Variants in OPCML observed in about 807,000 individuals in gnomAD.
The protein encoded by OPCML is opioid-binding protein/cell adhesion molecule.
OPCML carries 13 observed loss-of-function variants against 37.8 expected under a neutral mutation model. That is an observed-to-expected ratio of 0.34 (90% confidence interval 0.22 to 0.55). The LOEUF (loss-of-function observed/expected upper bound fraction) is 0.55, where lower values mean the gene tolerates loss of function less well. Among genes scored for constraint, OPCML ranks in the 20% least tolerant of loss-of-function variants. The probability of loss-of-function intolerance (pLI) is 0.91; values close to 1 mark genes in which losing one functional copy is unlikely to be tolerated. For missense variants in OPCML, 341 were observed against 435.6 expected (o/e 0.78, Z 1.93); for synonymous variants, 176 against 168.8 (o/e 1.04, Z -0.33).
Position 132,836,858 on chromosome 11 carries a change from G to A in OPCML, c.146+106068C>T, listed in dbSNP as rs141576274. On this transcript the variant is annotated intron_variant, in intron 2 of 7. Coordinates refer to ENST00000524381, the MANE Select transcript of OPCML (RefSeq NM_001012393.5). ...GTGTCGGGCAGGGAGAGGTGAAAGC[G>A]CTGGCATCAGAGAAGGCAGATGTAG... is the stretch of plus-strand genomic sequence containing the variant. 8.1e-3 allele frequency among the ~76,000 whole-genome samples: 1,240 copies of A among 152,202 alleles called. 9 individuals are homozygous for A. Among genetic ancestry groups the A allele is most frequent in the Non-Finnish European group, 0.011 (769 of 68,012 alleles).
intron 2 of OPCML, among the ~76,000 whole-genome samples, chr11:132,807,145 A>T (rs1415381468): frequency 6.6e-6 from 1 of 152,216 alleles, no homozygotes; most frequent in East Asian, 1.9e-4. Context: ...AATCCTAGTT[A>T]TATAGACACA....
At chr11:133,457,112 G>A (rs925588036) in intron 1 of OPCML, among the ~76,000 whole-genome samples, 1 of 152,152 alleles carries the variant, frequency 6.6e-6, no homozygotes, top group Non-Finnish European at 1.5e-5. Flanking sequence ...CAGAGCAAAA[G>A]GAAAGTGACG....
intron 3 of OPCML, among the ~76,000 whole-genome samples, chr11:132,608,835 G>A (rs1415590602): frequency 6.6e-6 from 1 of 152,134 alleles, no homozygotes. Flanking sequence ...TTGCTCACCA[G>A]AGAATCTGAT....
Position 132,943,206 on chromosome 11 carries a change from C to T in OPCML, c.62-196G>A. ...GGGAGGAGGGAAGGGGCAGAGTTCGCCAGGAGCAGGGGGAAGGAGAAGAGA... is the reference window on the plus strand; with the variant it reads ...GGGAGGAGGGAAGGGGCAGAGTTCGTCAGGAGCAGGGGGAAGGAGAAGAGA... On this transcript the variant is annotated intron_variant, in intron 1 of 7. Coordinates refer to ENST00000524381, the MANE Select transcript of OPCML (RefSeq NM_001012393.5). This position sits in a 1 kb window ranked among gnomAD's most constrained non-coding sequence, Gnocchi z 4.3. 6.6e-7 allele frequency: 1 copy of T among 1,511,780 alleles called. No homozygotes were observed. The highest frequency in any genetic ancestry group is 9.0e-7 in the Non-Finnish European group (1 of 1,110,114). The allele number at this position is 1,511,780 out of a possible 1,614,324, so 93.6% of individuals were successfully genotyped here.
At chr11:132,645,686 A>T (rs926219762) in intron 3 of OPCML, among the ~76,000 whole-genome samples, 3 of 152,232 alleles carry the variant, frequency 2.0e-5, no homozygotes, top group Admixed American at 1.3e-4. Flanking sequence ...GAATTTTTTT[A>T]AAAAGCCCTA....
intron 4 of OPCML, among the ~76,000 whole-genome samples, chr11:132,514,734 T>G (rs4310627): frequency 0.21 from 31,746 of 151,986 alleles, 3,410 homozygotes; most frequent in Non-Finnish European, 0.23. Context: ...CAAAGTGTGG[T>G]AGGAAGTTTG....
At chr11:133,348,989 T>C (rs1704702108) in intron 1 of OPCML, among the ~76,000 whole-genome samples, 1 of 152,184 alleles carries the variant, frequency 6.6e-6, no homozygotes, top group South Asian at 2.1e-4. Context: ...CTGTGTGTCA[T>C]AGGGGTGCGG....
intron 1 of OPCML, among the ~76,000 whole-genome samples, chr11:133,015,411 G>GGAAGGAAGGAAT (rs1947309275): frequency 1.8e-5 from 2 of 112,176 alleles, no homozygotes; most frequent in Admixed American, 1.0e-4. Flanking sequence ...AAGGAAGGAA[G>GGAAGGAAGGAAT]GAAGGAAGGA....
chr11:132,858,586 T>TC (rs1942162245), intron 2 of OPCML, among the ~76,000 whole-genome samples: 1 of 151,876 alleles, frequency 6.6e-6, no homozygotes, highest in African/African-American at 2.4e-5. Context: ...GCCCCTTTCT[T>TC]CCCGGGGGGT....
intron 4 of OPCML, among the ~76,000 whole-genome samples, chr11:132,528,618 A>G (rs559078544): frequency 1.3e-5 from 2 of 152,336 alleles, no homozygotes; most frequent in African/African-American, 2.4e-5. Context: ...CATGTCAGAC[A>G]TGTGTGGCTC....
chr11:132,760,461 G>C (rs967983976), intron 2 of OPCML, among the ~76,000 whole-genome samples: 1 of 151,936 alleles, frequency 6.6e-6, no homozygotes, highest in African/African-American at 2.4e-5. Context: ...CTAAGAACTT[G>C]CTTTATTAAT....
At chr11:132,713,405 T>C (rs2135955663) in intron 2 of OPCML, among the ~76,000 whole-genome samples, 1 of 152,246 alleles carries the variant, frequency 6.6e-6, no homozygotes, top group East Asian at 1.9e-4. Context: ...CAGTATACAG[T>C]AAGAAACTCT....
intron 4 of OPCML, among the ~76,000 whole-genome samples, chr11:132,448,339 T>C (rs2096060670): frequency 6.6e-6 from 1 of 152,224 alleles, no homozygotes; most frequent in Non-Finnish European, 1.5e-5. Flanking sequence ...TTGTATTAGC[T>C]TGTAGGCAAA....
At chr11:132,623,189 G>C (rs1373112920) in intron 3 of OPCML, among the ~76,000 whole-genome samples, 1 of 152,090 alleles carries the variant, frequency 6.6e-6, no homozygotes, top group Admixed American at 6.6e-5. Flanking sequence ...ATCTGTTTCT[G>C]AGCGGTAAAA....
At chr11:132,709,476 C>T (rs1490996756) in intron 2 of OPCML, among the ~76,000 whole-genome samples, 1 of 152,116 alleles carries the variant, frequency 6.6e-6, no homozygotes, top group Non-Finnish European at 1.5e-5. Context: ...TCCAGGACTC[C>T]ATCCACCATC....
intron 1 of OPCML, among the ~76,000 whole-genome samples, chr11:133,035,526 T>C (rs1009714825): frequency 1.3e-5 from 2 of 152,186 alleles, no homozygotes; most frequent in African/African-American, 4.8e-5. Flanking sequence ...ATTTGGCTAT[T>C]CTCATATTAT....
At chr11:132,702,589 G>A (rs1040807609) in intron 2 of OPCML, among the ~76,000 whole-genome samples, 2 of 152,042 alleles carry the variant, frequency 1.3e-5, no homozygotes, top group South Asian at 2.1e-4. Flanking sequence ...CATGGATATG[G>A]ATATTCATTT....
At position 132,660,286 on chromosome 11, in the gene OPCML, C is replaced by T. The variant is rs185889406; in HGVS notation, c.147-2967G>A. On this transcript the variant is annotated intron_variant, in intron 2 of 7. Transcript: ENST00000524381. ...GAAATGAAAATTGTGCATAGCAATG[C>T]CAACTCAATTATTTGAATGCTTTCC... is the stretch of plus-strand genomic sequence containing the variant. Among the ~76,000 whole-genome samples, 637 of 152,162 alleles carry T rather than the reference C, an allele frequency of 4.2e-3. 2 individuals are homozygous for T. Among genetic ancestry groups the T allele is most frequent in the Non-Finnish European group, 7.7e-3 (526 of 68,000 alleles).
chr11:132,833,203 A>C (rs1478549075), intron 2 of OPCML, among the ~76,000 whole-genome samples: 1 of 152,184 alleles, frequency 6.6e-6, no homozygotes, highest in African/African-American at 2.4e-5. Flanking sequence ...AAATTTGTAC[A>C]TCACAGCTGT....
Sources: allele counts gnomAD v4.1 joint callset (sites outside exome capture counted in the v4.1 genomes callset), GRCh38; gene constraint gnomAD v4.1.1; non-coding constraint Gnocchi (gnomAD v3.1); transcripts MANE v1.5; gene names NCBI Gene and HGNC (gene_info 2026-07-23, HGNC 2026-07-21).